Variants in CPEB1 observed in about 807,000 individuals in gnomAD.
The protein encoded by CPEB1 is cytoplasmic polyadenylation element-binding protein 1.
In CPEB1, 7 loss-of-function variants were observed where a neutral mutation model predicts 65.8. That is an observed-to-expected ratio of 0.11 (90% CI 0.06 to 0.20). The LOEUF (loss-of-function observed/expected upper bound fraction) is 0.20, where lower values mean the gene tolerates loss of function less well. Among genes scored for constraint, CPEB1 ranks in the 10% least tolerant of loss-of-function variants. The probability of loss-of-function intolerance (pLI) is 1.00; values close to 1 mark genes in which losing one functional copy is unlikely to be tolerated. For missense variants in CPEB1, 551 were observed against 712.2 expected (o/e 0.77, Z 2.58); for synonymous variants, 262 against 260.0 (o/e 1.01, Z -0.08).
chr15:82,647,960 G>A (rs942409582), upstream of CPEB1: 1 of 1,060,656 alleles, frequency 9.4e-7, no homozygotes, highest in Non-Finnish European at 1.2e-6. Flanking sequence ...TTTTTGCAGC[G>A]GGCCGCGCGC....
chr15:82,580,589 T>C (rs2041182352), intron 3 of CPEB1, among the ~76,000 whole-genome samples: 1 of 152,188 alleles, frequency 6.6e-6, no homozygotes, highest in South Asian at 2.1e-4. Flanking sequence ...AGTACATTCA[T>C]ATTTTTGTGC....
intron 3 of CPEB1, among the ~76,000 whole-genome samples, chr15:82,606,593 C>T (rs1333251347): frequency 2.2e-5 from 1 of 46,044 alleles, no homozygotes; most frequent in Non-Finnish European, 4.3e-5. Context: ...CCGAGGCGGG[C>T]GGATCACGAG....
intron 3 of CPEB1, among the ~76,000 whole-genome samples, chr15:82,624,132 G>A (rs757386997): frequency 5.9e-5 from 9 of 152,070 alleles, no homozygotes; most frequent in Non-Finnish European, 1.3e-4. Flanking sequence ...TATTTTTGCT[G>A]GTGACCACAG....
At chr15:82,613,321 T>A (rs2044357758) in intron 3 of CPEB1, among the ~76,000 whole-genome samples, 1 of 152,258 alleles carries the variant, frequency 6.6e-6, no homozygotes, top group South Asian at 2.1e-4. Flanking sequence ...AATGAATAGA[T>A]GCAGAAAAGC....
intron 11 of CPEB1, 95 bp downstream of exon 11, chr15:82,547,048 C>A: frequency 1.2e-6 from 1 of 812,840 alleles, no homozygotes; most frequent in Non-Finnish European, 2.1e-6. Flanking sequence ...ACACACCCAG[C>A]ACAAACAGCT....
At chr15:82,635,069 G>A (rs1291099069) in intron 1 of CPEB1, among the ~76,000 whole-genome samples, 2 of 152,116 alleles carry the variant, frequency 1.3e-5, no homozygotes, top group Non-Finnish European at 2.9e-5. Context: ...TGGCCAGGCT[G>A]GTCTCAAACT....
At chr15:82,601,413 C>T (rs1475882973) in intron 3 of CPEB1, among the ~76,000 whole-genome samples, 1 of 151,764 alleles carries the variant, frequency 6.6e-6, no homozygotes, top group Non-Finnish European at 1.5e-5. Context: ...TGGTGGCAGG[C>T]GCCTGTAATC....
At chr15:82,611,926 G>A (rs1361160691) in intron 3 of CPEB1, among the ~76,000 whole-genome samples, 2 of 151,726 alleles carry the variant, frequency 1.3e-5, no homozygotes, top group Admixed American at 6.6e-5. Flanking sequence ...AAAAGCAAAC[G>A]TAATGTTAAG....
intron 3 of CPEB1, among the ~76,000 whole-genome samples, chr15:82,577,179 GTT>G (rs2040743924): frequency 6.6e-6 from 1 of 152,150 alleles, no homozygotes; most frequent in Admixed American, 6.5e-5. Context: ...GGTGTGTTTT[GTT>G]TTGTTTTTGC....
intron 1 of CPEB1, among the ~76,000 whole-genome samples, chr15:82,639,913 T>C (rs2046969415): frequency 6.6e-6 from 1 of 152,154 alleles, no homozygotes; most frequent in Admixed American, 6.5e-5. Flanking sequence ...TGGCAACATT[T>C]TACATATGTT....
At chr15:82,571,020 T>C (rs1313594470) in intron 4 of CPEB1, among the ~76,000 whole-genome samples, 1 of 152,078 alleles carries the variant, frequency 6.6e-6, no homozygotes, top group African/African-American at 2.4e-5. Context: ...AAGACAGGCC[T>C]GGGCACCAGG....
intron 12 of CPEB1, among the ~76,000 whole-genome samples, chr15:82,546,041 C>T (rs2035141186): frequency 6.6e-6 from 1 of 152,186 alleles, no homozygotes. Flanking sequence ...AACATTACTG[C>T]TGCCTCCTCT....
chr15:82,610,685 C>T (rs558749191), intron 3 of CPEB1, among the ~76,000 whole-genome samples: 4 of 151,894 alleles, frequency 2.6e-5, no homozygotes, highest in Middle Eastern at 3.2e-3. Context: ...AGGCCGGGCC[C>T]GGTCACTCAC....
At chr15:82,628,016 G>A (rs1420107432) in intron 2 of CPEB1, 1 of 582,922 alleles carries the variant, frequency 1.7e-6, no homozygotes, top group Non-Finnish European at 3.0e-6. Flanking sequence ...TCAGCCTCCA[G>A]ATCAAGGGGT....
intron 12 of CPEB1, 55 bp from the exon 13 acceptor site, chr15:82,544,757 G>A: frequency 7.5e-7 from 1 of 1,341,670 alleles, no homozygotes; most frequent in East Asian, 2.3e-5. Flanking sequence ...ACCAGACACA[G>A]GAGCTGTTGC....
At chr15:82,607,193 TG>T (rs558670756) in intron 3 of CPEB1, among the ~76,000 whole-genome samples, 276 of 152,268 alleles carry the variant, frequency 1.8e-3, no homozygotes, top group African/African-American at 6.5e-3. Context: ...TAAATGTAGA[TG>T]GATCAAACTC....
chr15:82,594,806 G>A (rs144703108), intron 3 of CPEB1, among the ~76,000 whole-genome samples: 2,131 of 152,018 alleles, frequency 0.014, 53 homozygotes, highest in African/African-American at 0.05. Context: ...CCATTGTAGG[G>A]TTATTAATTT....
At chr15:82,589,814 A>T (rs1477018198) in intron 3 of CPEB1, among the ~76,000 whole-genome samples, 1 of 152,196 alleles carries the variant, frequency 6.6e-6, no homozygotes, top group Non-Finnish European at 1.5e-5. Context: ...AGTATTTTTT[A>T]AAATGTGTCC....
chr15:82,599,839 G>C (rs2042954908), intron 3 of CPEB1, among the ~76,000 whole-genome samples: 1 of 152,132 alleles, frequency 6.6e-6, no homozygotes, highest in Non-Finnish European at 1.5e-5. Context: ...GAGTTTAACA[G>C]CCAAATGAGG....
Sources: gnomAD v4.1 joint callset for allele counts (sites outside exome capture counted in the v4.1 genomes callset) on GRCh38, gnomAD v4.1.1 for gene constraint, MANE v1.5 for transcripts, NCBI Gene and HGNC (gene_info 2026-07-23, HGNC 2026-07-21) for gene names.